The following IL1RAPL1 variants were observed in gnomAD, a reference collection of about 807,000 sequenced individuals.
IL1RAPL1 encodes interleukin-1 receptor accessory protein-like 1.
A neutral mutation model predicts 48.4 loss-of-function variants in IL1RAPL1; 3 were observed. The observed-to-expected ratio is 0.06, with a 90% CI of 0.03 to 0.16. The LOEUF is 0.16. Ranked by LOEUF, IL1RAPL1 falls within the 10% of genes least tolerant of loss-of-function variation. The pLI is 1.00. For missense variants in IL1RAPL1, 349 were observed against 530.6 expected (o/e 0.66, Z 3.36); for synonymous variants, 185 against 187.7 (o/e 0.99, Z 0.12).
chrX:29,677,012 T>A (rs1171143949), intron 6 of IL1RAPL1, among the ~76,000 whole-genome samples: 1 of 111,999 alleles, frequency 8.9e-6, no homozygotes, highest in Admixed American at 9.5e-5. Context: ...AACATTACGT[T>A]GTAGAATATT....
At chrX:29,378,136 T>A (rs946001054) in intron 3 of IL1RAPL1, among the ~76,000 whole-genome samples, 1 of 110,279 alleles carries the variant, frequency 9.1e-6, no homozygotes, top group Non-Finnish European at 1.9e-5. Flanking sequence ...AGCTATGAGA[T>A]TCTTTTCTCA....
intron 3 of IL1RAPL1, among the ~76,000 whole-genome samples, chrX:29,330,892 A>C (rs773487586): frequency 9.0e-6 from 1 of 111,595 alleles, no homozygotes; most frequent in South Asian, 3.8e-4. Context: ...TGAGGCCGGG[A>C]GTGGTGGCTC....
chrX:28,664,872 A>G (rs1934858728), intron 1 of IL1RAPL1, among the ~76,000 whole-genome samples: 3 of 111,577 alleles, frequency 2.7e-5, no homozygotes, highest in Admixed American at 9.6e-5. Context: ...GGGGCCTTTC[A>G]TGTGCAAGGG....
chrX:29,592,037 G>C (rs977722597), intron 5 of IL1RAPL1, among the ~76,000 whole-genome samples: 4 of 111,568 alleles, frequency 3.6e-5, no homozygotes, highest in Admixed American at 1.9e-4. Flanking sequence ...CTAAAATGGG[G>C]AAACTCACAC....
At chrX:28,954,220 A>G (rs1924544204) in intron 2 of IL1RAPL1, among the ~76,000 whole-genome samples, 1 of 111,124 alleles carries the variant, frequency 9.0e-6, no homozygotes, top group South Asian at 3.7e-4. Context: ...TTCTAAGTCA[A>G]CACTTAGAAA....
At chrX:29,114,659 CT>C (rs1928641130) in intron 2 of IL1RAPL1, among the ~76,000 whole-genome samples, 1 of 110,693 alleles carries the variant, frequency 9.0e-6, no homozygotes, top group Non-Finnish European at 1.9e-5. Flanking sequence ...CGGAGTTTCA[CT>C]CTTGTTGGCC....
chrX:29,221,895 C>A (rs1413658823), intron 2 of IL1RAPL1, among the ~76,000 whole-genome samples: 2 of 109,119 alleles, frequency 1.8e-5, no homozygotes, highest in African/African-American at 6.7e-5. Flanking sequence ...CCTGTAATCC[C>A]AGCTACTCAG....
chrX:29,800,591 G>A (rs994259912), intron 6 of IL1RAPL1, among the ~76,000 whole-genome samples: 7 of 109,579 alleles, frequency 6.4e-5, no homozygotes, highest in African/African-American at 2.3e-4. Flanking sequence ...TGCCAAATTA[G>A]CAATATAGTT....
At chrX:28,846,935 A>G in intron 2 of IL1RAPL1, among the ~76,000 whole-genome samples, 1 of 111,389 alleles carries the variant, frequency 9.0e-6, no homozygotes, top group South Asian at 3.8e-4. Flanking sequence ...ATGGCTTTAA[A>G]TACCATTTTT....
At chrX:29,575,666 A>G (rs919566075) in intron 5 of IL1RAPL1, among the ~76,000 whole-genome samples, 7 of 112,282 alleles carry the variant, frequency 6.2e-5, no homozygotes, top group Non-Finnish European at 1.3e-4. Context: ...AAACAATACC[A>G]GCTAGCTAGG....
chrX:29,951,704 A>T lies in IL1RAPL1; in HGVS notation c.1202-2818A>T, dbSNP rs1229011516. 4.5e-5 allele frequency among the ~76,000 whole-genome samples: 5 copies of T among 112,301 alleles called. No individual in the cohort carries two copies. The East Asian group carries it at 1.4e-3, about 31-fold the overall frequency. On this transcript the variant is annotated intron_variant, in intron 9 of 10. Coordinates refer to ENST00000378993, the MANE Select transcript of IL1RAPL1 (RefSeq NM_014271.4). ...GAAATGAGATTTTTATGTTACTAAA[A>T]TTAAAATGAAATAAAAGATGAAGAA...
intron 5 of IL1RAPL1, among the ~76,000 whole-genome samples, chrX:29,414,274 G>A (rs2147700177): frequency 9.0e-6 from 1 of 111,615 alleles, no homozygotes; most frequent in East Asian, 2.8e-4. Context: ...GGATAAAGGT[G>A]ATGGTAGCAC....
intron 5 of IL1RAPL1, among the ~76,000 whole-genome samples, chrX:29,610,278 A>G (rs998416307): frequency 1.8e-5 from 2 of 111,881 alleles, no homozygotes; most frequent in Non-Finnish European, 3.8e-5. Flanking sequence ...AAAGACTAAT[A>G]TTTATTTTGT....
chrX:29,846,733 A>G (rs1040007754), intron 6 of IL1RAPL1, among the ~76,000 whole-genome samples: 11 of 105,722 alleles, frequency 1.0e-4, no homozygotes, highest in Non-Finnish European at 2.1e-4. Flanking sequence ...CCATTAATCA[A>G]AGTAAAACTA....
At chrX:29,157,938 T>C (rs1427161031) in intron 2 of IL1RAPL1, among the ~76,000 whole-genome samples, 1 of 111,859 alleles carries the variant, frequency 8.9e-6, no homozygotes, top group Non-Finnish European at 1.9e-5. Flanking sequence ...CGGGGTAATG[T>C]GTTCAGTTTC....
chrX:29,184,601 A>G (rs779118690), intron 2 of IL1RAPL1, among the ~76,000 whole-genome samples: 50 of 111,128 alleles, frequency 4.5e-4, no homozygotes, highest in African/African-American at 1.5e-3. Flanking sequence ...CCCGGATTCA[A>G]GTGATTCTCC....
intron 2 of IL1RAPL1, among the ~76,000 whole-genome samples, chrX:28,889,631 G>C (rs1178681695): frequency 9.0e-6 from 1 of 111,016 alleles, no homozygotes; most frequent in Non-Finnish European, 1.9e-5. Flanking sequence ...TTATTAAGCA[G>C]GTCGCCTAAA....
In IL1RAPL1 at chrX:29,282,777, T is replaced by G. The variant is rs184185742; in HGVS notation, c.83-161T>G. On this transcript the variant is annotated intron_variant, in intron 2 of 10. Transcript: ENST00000378993. ...CAGAGTCCACTACTTTGCAGGGCCA[T>G]TCTCAGTTTGATTCATTGCTATGTG... Among the ~76,000 whole-genome samples the G allele has an allele frequency of 2.3e-3, 254 of 112,332 alleles. 6 individuals are homozygous for G. The Admixed American group carries it at 0.024, about 11-fold the overall frequency.
chrX:28,800,696 G>T (rs1164823540), intron 2 of IL1RAPL1, among the ~76,000 whole-genome samples: 1 of 110,959 alleles, frequency 9.0e-6, no homozygotes, highest in Non-Finnish European at 1.9e-5. Flanking sequence ...GGAAAGTTGT[G>T]TCAGATAACT....
Sources: allele counts gnomAD v4.1 joint callset (sites outside exome capture counted in the v4.1 genomes callset), GRCh38; gene constraint gnomAD v4.1.1; transcripts MANE v1.5; gene names NCBI Gene and HGNC (gene_info 2026-07-23, HGNC 2026-07-21).